Variants in TAFA1 observed in about 807,000 individuals in gnomAD.
TAFA1 encodes the protein TAFA chemokine like family member 1.
TAFA1 carries 4 observed loss-of-function variants against 18.5 expected under a neutral mutation model. The observed-to-expected ratio is 0.22, with a 90% CI of 0.11 to 0.49. The LOEUF (loss-of-function observed/expected upper bound fraction) is 0.49, where lower values mean the gene tolerates loss of function less well. Ranked by LOEUF, TAFA1 falls within the 20% of genes least tolerant of loss-of-function variation. TAFA1 has a pLI of 0.98. For missense variants in TAFA1, 147 were observed against 169.0 expected (o/e 0.87, Z 0.72); for synonymous variants, 56 against 55.2 (o/e 1.01, Z -0.06).
At chr3:68,266,849 A>C (rs759035572) in intron 2 of TAFA1, among the ~76,000 whole-genome samples, 4 of 152,112 alleles carry the variant, frequency 2.6e-5, no homozygotes, top group Non-Finnish European at 5.9e-5. Flanking sequence ...ATGTGGTTTT[A>C]ATTGGCTTGT....
At chr3:68,320,579 A>G (rs1559615964) in intron 2 of TAFA1, among the ~76,000 whole-genome samples, 10 of 151,884 alleles carry the variant, frequency 6.6e-5, no homozygotes. Context: ...CTACTGTTGG[A>G]CTCTGGTACT....
chr3:68,527,807 TA>T (rs548512302), intron 3 of TAFA1, among the ~76,000 whole-genome samples: 64 of 151,954 alleles, frequency 4.2e-4, no homozygotes, highest in African/African-American at 1.3e-3. Context: ...CAAATACCTT[TA>T]AAAAAAATCT....
At chr3:68,509,757 A>C (rs1176789817) in intron 3 of TAFA1, among the ~76,000 whole-genome samples, 1 of 152,070 alleles carries the variant, frequency 6.6e-6, no homozygotes, top group Middle Eastern at 3.2e-3. Context: ...CTGTTTGGAG[A>C]GAATTACACA....
At chr3:68,068,272 A>G (rs1199085841) in intron 2 of TAFA1, among the ~76,000 whole-genome samples, 2 of 152,226 alleles carry the variant, frequency 1.3e-5, no homozygotes, top group South Asian at 2.1e-4. Context: ...TTTCGAAGCT[A>G]TGGGATATTA....
At chr3:68,487,910 T>C (rs2072377280) in intron 3 of TAFA1, among the ~76,000 whole-genome samples, 1 of 152,094 alleles carries the variant, frequency 6.6e-6, no homozygotes, top group Non-Finnish European at 1.5e-5. Context: ...TGGCATGTAT[T>C]GGAGGGTTTT....
intron 3 of TAFA1, among the ~76,000 whole-genome samples, chr3:68,479,465 C>G (rs889094722): frequency 6.6e-6 from 1 of 151,928 alleles, no homozygotes; most frequent in Admixed American, 6.6e-5. Context: ...GTCAGCATGT[C>G]TCTCTTATTT....
Position 68,403,516 on chromosome 3 carries a change from A to G in TAFA1, c.119-13764A>G, listed in dbSNP as rs193072209. ...AAATCTGGTGCACTGTCCGATTTTT[A>G]TGATCCACAAGCTAAAAATGATCTT... is the stretch of plus-strand genomic sequence containing the variant. On this transcript the variant is annotated intron_variant, in intron 2 of 4. Coordinates refer to ENST00000478136, the MANE Select transcript of TAFA1 (RefSeq NM_213609.4). Among the ~76,000 whole-genome samples the G allele has an allele frequency of 6.6e-5, 10 of 152,338 alleles. No homozygotes were observed. The South Asian group carries it at 1.4e-3, about 22-fold the overall frequency.
At position 68,400,676 on chromosome 3, in the gene TAFA1, C is replaced by G. The variant is rs184901541; in HGVS notation, c.119-16604C>G. On this transcript the variant is annotated intron_variant, in intron 2 of 4. Transcript: ENST00000478136. ...ATAAATCTTATATATACTGTTGATT[C>G]ATAGAAGATGTTATTGGTAATGACT... Among the ~76,000 whole-genome samples the G allele has an allele frequency of 6.6e-4, 101 of 152,226 alleles. 2 individuals are homozygous for G. The highest frequency in any genetic ancestry group is 2.3e-3 in the African/African-American group (95 of 41,552).
At chr3:68,140,665 G>T (rs1440409406) in intron 2 of TAFA1, among the ~76,000 whole-genome samples, 1 of 152,172 alleles carries the variant, frequency 6.6e-6, no homozygotes, top group Non-Finnish European at 1.5e-5. Context: ...GCTACCTCAT[G>T]GAGTTGGGTA....
At chr3:68,174,891 G>GC (rs1253242782) in intron 2 of TAFA1, among the ~76,000 whole-genome samples, 8 of 152,298 alleles carry the variant, frequency 5.3e-5, no homozygotes, top group Admixed American at 2.6e-4. Flanking sequence ...CCCATCACAG[G>GC]CCCAGAGGCC....
At chr3:68,507,960 G>T (rs553723639) in intron 3 of TAFA1, among the ~76,000 whole-genome samples, 4 of 152,244 alleles carry the variant, frequency 2.6e-5, no homozygotes, top group Non-Finnish European at 5.9e-5. Context: ...ACGTGTATTT[G>T]CCAGCCCATG....
In TAFA1 at chr3:68,538,950, C is replaced by T. The variant is rs1055536732; in HGVS notation, c.384+70C>T. The T allele has an allele frequency of 3.3e-6, 5 of 1,513,188 alleles. No homozygotes were observed. In the East Asian group the frequency reaches 6.9e-5, roughly 21 times the overall value. The allele number at this position is 1,513,188 out of a possible 1,614,324, so 93.7% of individuals were successfully genotyped here. On this transcript the variant is annotated intron_variant, in intron 4 of 4. Coordinates refer to ENST00000478136, the MANE Select transcript of TAFA1 (RefSeq NM_213609.4). ...ACTATTTGAGTTTGTGCTGTGCAAA[C>T]AGCATCCACAGAAGCTTTGCACAGG... is the stretch of plus-strand genomic sequence containing the variant.
At chr3:68,414,306 T>A (rs534219486) in intron 2 of TAFA1, among the ~76,000 whole-genome samples, 1 of 152,056 alleles carries the variant, frequency 6.6e-6, no homozygotes, top group South Asian at 2.1e-4. Context: ...AAACGCCATA[T>A]CAAAACAAAC....
intron 2 of TAFA1, among the ~76,000 whole-genome samples, chr3:68,189,639 A>G (rs1250211430): frequency 6.6e-6 from 1 of 151,886 alleles, no homozygotes; most frequent in African/African-American, 2.4e-5. Context: ...ATAGTGGGTA[A>G]GTTCTCAGTT....
intron 2 of TAFA1, among the ~76,000 whole-genome samples, chr3:68,277,550 CA>C (rs2067819185): frequency 6.6e-6 from 1 of 152,130 alleles, no homozygotes; most frequent in Non-Finnish European, 1.5e-5. Context: ...GAGCTTTCTC[CA>C]AACTTAAGAG....
intron 2 of TAFA1, among the ~76,000 whole-genome samples, chr3:68,236,237 A>G (rs888375860): frequency 6.6e-6 from 1 of 152,196 alleles, no homozygotes; most frequent in Non-Finnish European, 1.5e-5. Context: ...TTCATTATTC[A>G]TACCTCTAGT....
At chr3:68,205,967 C>T (rs892273571) in intron 2 of TAFA1, among the ~76,000 whole-genome samples, 8 of 151,814 alleles carry the variant, frequency 5.3e-5, no homozygotes, top group Non-Finnish European at 7.4e-5. Context: ...AGTATAGTCA[C>T]CATGACATAG....
intron 2 of TAFA1, among the ~76,000 whole-genome samples, chr3:68,208,713 C>T (rs2066557429): frequency 6.6e-6 from 1 of 151,968 alleles, no homozygotes; most frequent in African/African-American, 2.4e-5. Flanking sequence ...AAAAAAGGAC[C>T]AAGCCAGGCC....
the TAFA1 span, among the ~76,000 whole-genome samples, chr3:67,998,314 G>A: frequency 6.6e-6 from 1 of 152,128 alleles, no homozygotes; most frequent in Non-Finnish European, 1.5e-5. Flanking sequence ...ACATATGAAA[G>A]CTTTGCTAGC....
Sources: gnomAD v4.1 joint callset for allele counts (sites outside exome capture counted in the v4.1 genomes callset) on GRCh38, gnomAD v4.1.1 for gene constraint, MANE v1.5 for transcripts, NCBI Gene and HGNC (gene_info 2026-07-23, HGNC 2026-07-21) for gene names.